The following PUDP variants were observed in gnomAD, a reference collection of about 807,000 sequenced individuals.
The protein encoded by PUDP is pseudouridine 5'-phosphatase, also known as pseudouridine-5'-phosphatase.
PUDP carries 8 observed loss-of-function variants against 9.4 expected under a neutral mutation model. The ratio of observed to expected loss-of-function variants is 0.85; its 90% CI spans 0.50 to 1.53. The LOEUF (loss-of-function observed/expected upper bound fraction) is 1.53, where lower values mean the gene tolerates loss of function less well. Ranked by LOEUF, PUDP falls within the 40% of genes most tolerant of loss-of-function variation. The pLI is 0.00. For missense variants in PUDP, 188 were observed against 189.7 expected (o/e 0.99, Z 0.05); for synonymous variants, 99 against 80.7 (o/e 1.23, Z -1.22).
chrX:6,982,326 T>C (rs972519010), intron 1 of PUDP, among the ~76,000 whole-genome samples: 2 of 111,768 alleles, frequency 1.8e-5, no homozygotes, highest in Non-Finnish European at 3.8e-5. Context: ...CATTCCAGAA[T>C]TATTACTCAA....
At chrX:6,753,560 T>C (rs1475874738) in intron 3 of PUDP, among the ~76,000 whole-genome samples, 3 of 112,334 alleles carry the variant, frequency 2.7e-5, no homozygotes, top group Non-Finnish European at 5.6e-5. Flanking sequence ...CTGTTTTCCA[T>C]AGTGATTGTA....
chrX:6,868,041 T>C (rs1007870306), intron 3 of PUDP, among the ~76,000 whole-genome samples: 2 of 111,390 alleles, frequency 1.8e-5, no homozygotes, highest in Non-Finnish European at 3.8e-5. Flanking sequence ...ACTGGTTGCA[T>C]TGGGATTTCA....
intron 1 of PUDP, among the ~76,000 whole-genome samples, chrX:7,118,374 C>G (rs1932252746): frequency 1.8e-5 from 2 of 112,058 alleles, no homozygotes; most frequent in African/African-American, 6.5e-5. Context: ...ATATTCCTCT[C>G]TTTTAGGTTT....
At chrX:7,126,406 C>T (rs1471058169) in intron 1 of PUDP, among the ~76,000 whole-genome samples, 2 of 112,109 alleles carry the variant, frequency 1.8e-5, no homozygotes, top group African/African-American at 6.5e-5. Flanking sequence ...TGATCCTTCA[C>T]ACAATCAAAA....
chrX:6,792,606 C>T (rs1925767076), intron 3 of PUDP, among the ~76,000 whole-genome samples: 1 of 111,452 alleles, frequency 9.0e-6, no homozygotes, highest in Non-Finnish European at 1.9e-5. Flanking sequence ...ACAGGCTTTC[C>T]TACATTTCCT....
rs778828522 is a variant in PUDP, at chrX:7,119,551, T to G, written c.62-13713A>C. Among the ~76,000 whole-genome samples, 10 of 112,760 alleles carry G rather than the reference T, an allele frequency of 8.9e-5. No homozygotes were observed. In the South Asian group the frequency reaches 2.6e-3, roughly 29 times the overall value. ...TAAGTATTTGATATATCGCTTCCTG[T>G]AGCTGTAAGCTATCATTTTTGAACT... On this transcript the variant is annotated intron_variant, in intron 1 of 3. Coordinates refer to ENST00000381077, the MANE Select transcript of PUDP (RefSeq NM_012080.5).
intron 3 of PUDP, among the ~76,000 whole-genome samples, chrX:6,975,627 C>T (rs1928942161): frequency 9.0e-6 from 1 of 111,358 alleles, no homozygotes; most frequent in Non-Finnish European, 1.9e-5. Flanking sequence ...AGCCAGAGCT[C>T]TCCTGTATGA....
chrX:7,007,072 T>C (rs1201983558), intron 1 of PUDP, among the ~76,000 whole-genome samples: 17 of 110,751 alleles, frequency 1.5e-4, no homozygotes, highest in Non-Finnish European at 1.3e-4. Context: ...ACAATGAGCA[T>C]TGCCAGGGAA....
At chrX:7,067,631 G>A (rs1930603138) in intron 3 of PUDP, among the ~76,000 whole-genome samples, 1 of 112,067 alleles carries the variant, frequency 8.9e-6, no homozygotes, top group African/African-American at 3.2e-5. Flanking sequence ...AGTGGCAGGA[G>A]ATGGAGACAA....
intron 3 of PUDP, among the ~76,000 whole-genome samples, chrX:6,773,475 G>A (rs1372200657): frequency 8.9e-6 from 1 of 111,785 alleles, no homozygotes; most frequent in Non-Finnish European, 1.9e-5. Flanking sequence ...CAGATCACTA[G>A]AGTCCGTCAG....
chrX:6,888,895 G>C (rs1469865953), intron 3 of PUDP, among the ~76,000 whole-genome samples: 1 of 111,517 alleles, frequency 9.0e-6, no homozygotes, highest in Non-Finnish European at 1.9e-5. Context: ...TTCCCGGCCA[G>C]ATCGCCCCTG....
intron 3 of PUDP, among the ~76,000 whole-genome samples, chrX:6,919,921 G>A (rs1156762630): frequency 3.2e-5 from 3 of 92,870 alleles, no homozygotes; most frequent in East Asian, 3.4e-4. Context: ...CCAATGGATC[G>A]TGCTTGCATT....
At chrX:6,861,217 GC>G in intron 3 of PUDP, among the ~76,000 whole-genome samples, 1 of 111,716 alleles carries the variant, frequency 9.0e-6, no homozygotes, top group Non-Finnish European at 1.9e-5. Flanking sequence ...CTTTTGATCT[GC>G]CCCCAGGAGG....
chrX:7,119,522 T>G (rs1460529933), intron 1 of PUDP, among the ~76,000 whole-genome samples: 3 of 112,572 alleles, frequency 2.7e-5, no homozygotes, highest in African/African-American at 9.7e-5. Flanking sequence ...TAGAAAAAAG[T>G]ATTTAAGTAT....
At chrX:6,833,559 G>A (rs1446224641) in intron 3 of PUDP, among the ~76,000 whole-genome samples, 1 of 111,935 alleles carries the variant, frequency 8.9e-6, no homozygotes. Context: ...AGGTAGACGT[G>A]AGGCTGAGTG....
At chrX:6,806,784 C>G (rs1266609012) in intron 3 of PUDP, among the ~76,000 whole-genome samples, 1 of 112,449 alleles carries the variant, frequency 8.9e-6, no homozygotes, top group Non-Finnish European at 1.9e-5. Flanking sequence ...AGCAATGCAT[C>G]CTGAGAGGAG....
intron 3 of PUDP, among the ~76,000 whole-genome samples, chrX:6,784,612 A>C (rs1925617683): frequency 1.8e-5 from 2 of 111,807 alleles, no homozygotes; most frequent in South Asian, 3.8e-4. Context: ...TCAGCATCTG[A>C]GGGGTATAGC....
intron 1 of PUDP, among the ~76,000 whole-genome samples, chrX:6,990,494 A>C (rs1476445791): frequency 8.9e-6 from 1 of 112,339 alleles, no homozygotes; most frequent in African/African-American, 3.2e-5. Context: ...ACGAGGAATC[A>C]ACAGAAAATT....
intron 3 of PUDP, among the ~76,000 whole-genome samples, chrX:7,073,325 T>C (rs1446865505): frequency 8.9e-6 from 1 of 112,512 alleles, no homozygotes; most frequent in African/African-American, 3.2e-5. Flanking sequence ...TGGGAATTAA[T>C]ATTTAACATA....
Sources: allele counts gnomAD v4.1 joint callset (sites outside exome capture counted in the v4.1 genomes callset), GRCh38; gene constraint gnomAD v4.1.1; transcripts MANE v1.5; gene names NCBI Gene and HGNC (gene_info 2026-07-23, HGNC 2026-07-21).